The following ZNF766 variants were observed in gnomAD, a reference collection of about 807,000 sequenced individuals.
ZNF766 encodes the protein zinc finger protein 766.
Under a neutral mutation model 13.2 loss-of-function variants are expected in ZNF766, and 13 were observed. That is an observed-to-expected ratio of 0.98 (90% confidence interval 0.64 to 1.56). The LOEUF (loss-of-function observed/expected upper bound fraction) is 1.56, where lower values mean the gene tolerates loss of function less well. ZNF766 is among the 40% of genes most tolerant of loss of function. The probability of loss-of-function intolerance (pLI) is 0.00; values close to 1 mark genes in which losing one functional copy is unlikely to be tolerated. For synonymous variants in ZNF766, 178 were observed against 187.6 expected (o/e 0.95, Z 0.42); for missense variants, 521 against 552.2 (o/e 0.94, Z 0.57).
At chr19:52,288,006 A>C (rs1374800399) in intron 3 of ZNF766, 1 of 423,420 alleles carries the variant, frequency 2.4e-6, no homozygotes, top group East Asian at 7.6e-5. Context: ...CTGCTATCTT[A>C]GTGTTCATTT....
intron 1 of ZNF766, chr19:52,281,528 A>G (rs1157049792): frequency 2.4e-5 from 7 of 285,748 alleles, no homozygotes; most frequent in African/African-American, 7.0e-5. Flanking sequence ...ATAAAAAAAA[A>G]TGTGTTCTAC....
rs984101828 is a variant in ZNF766, at chr19:52,279,789, C to CTTTTTTTTT, written c.19-2306_19-2298dup. On this transcript the variant is annotated intron_variant, in intron 1 of 3. Coordinates refer to ENST00000439461, the MANE Select transcript of ZNF766 (RefSeq NM_001010851.3). ...TTTTTTTTTTCATGATTTACCTTTT[C>CTTTTTTTTT]TTTTTTTTTTTTTTTTTTTTTTTTG... Among the ~76,000 whole-genome samples the CTTTTTTTTT allele has an allele frequency of 6.2e-4, 40 of 64,870 alleles. 1 individual carries two copies. The highest frequency in any genetic ancestry group is 1.3e-3 in the African/African-American group (19 of 14,448). The allele number at this position is 64,870 out of a possible 152,430, so 42.6% of individuals were successfully genotyped here.
intron 3 of ZNF766, among the ~76,000 whole-genome samples, chr19:52,284,430 T>G (rs540034098): frequency 6.6e-6 from 1 of 152,314 alleles, no homozygotes; most frequent in African/African-American, 2.4e-5. Context: ...TTTCAAGCCC[T>G]CTTTGCCTGT....
At chr19:52,288,220 C>T (rs573102190) in intron 3 of ZNF766, 147 of 242,986 alleles carry the variant, frequency 6.0e-4, no homozygotes, top group Non-Finnish European at 1.1e-3. Context: ...GGGGCTTCAC[C>T]TTGTTGCCCA....
intron 1 of ZNF766, among the ~76,000 whole-genome samples, chr19:52,278,497 G>A (rs1981326521): frequency 2.0e-5 from 3 of 152,006 alleles, no homozygotes; most frequent in Non-Finnish European, 2.9e-5. Flanking sequence ...TCTGCCTCCC[G>A]GGTTCAAGCA....
intron 1 of ZNF766, among the ~76,000 whole-genome samples, chr19:52,278,651 T>G (rs1981335115): frequency 6.6e-6 from 1 of 151,890 alleles, no homozygotes; most frequent in Non-Finnish European, 1.5e-5. Flanking sequence ...GTGATCCAAC[T>G]GCCTCAGCCT....
intron 3 of ZNF766, among the ~76,000 whole-genome samples, chr19:52,286,187 T>TCCCG (rs1217551547): frequency 7.9e-6 from 1 of 126,914 alleles, no homozygotes; most frequent in African/African-American, 3.2e-5. Flanking sequence ...AAGTGGGCTT[T>TCCCG]TCCCCCCTAA....
chr19:52,278,013 T>C (rs1192384476), intron 1 of ZNF766, among the ~76,000 whole-genome samples: 1 of 149,694 alleles, frequency 6.7e-6, no homozygotes, highest in African/African-American at 2.5e-5. Context: ...TGCTCTGTCG[T>C]CCAGGCTGGC....
chr19:52,277,996 A>G (rs1358614107), intron 1 of ZNF766, among the ~76,000 whole-genome samples: 1 of 148,150 alleles, frequency 6.7e-6, no homozygotes, highest in Non-Finnish European at 1.5e-5. Context: ...TTTGGAGACA[A>G]GAGTCTTGCT....
At chr19:52,279,795 T>C (rs1331709326) in intron 1 of ZNF766, among the ~76,000 whole-genome samples, 5 of 135,554 alleles carry the variant, frequency 3.7e-5, no homozygotes, top group Admixed American at 7.3e-5. Flanking sequence ...TTTTCTTTTT[T>C]TTTTTTTTTT....
intron 3 of ZNF766, chr19:52,288,206 A>G: frequency 4.0e-6 from 1 of 253,142 alleles, no homozygotes; most frequent in Non-Finnish European, 7.8e-6. Context: ...ATTTTAGTAG[A>G]GACGGGGCTT....
intron 3 of ZNF766, among the ~76,000 whole-genome samples, chr19:52,286,855 TAA>T (rs1432497818): frequency 6.6e-6 from 1 of 152,138 alleles, no homozygotes; most frequent in African/African-American, 2.4e-5. Flanking sequence ...TGTTTTGTTT[TAA>T]GATGGAGTCT....
At chr19:52,272,511 G>A (rs1055888347) in intron 1 of ZNF766, among the ~76,000 whole-genome samples, 9 of 152,110 alleles carry the variant, frequency 5.9e-5, no homozygotes, top group African/African-American at 2.2e-4. Context: ...CTGTCACCCA[G>A]ACTGGAGTGC....
At chr19:52,282,636 CA>C (rs928179828) in intron 2 of ZNF766, 14 of 153,028 alleles carry the variant, frequency 9.1e-5, no homozygotes, top group Non-Finnish European at 1.6e-4. Context: ...GACTCTGTTT[CA>C]AAAAAAAAGA....
At chr19:52,274,066 A>G (rs1981086956) in intron 1 of ZNF766, among the ~76,000 whole-genome samples, 1 of 152,246 alleles carries the variant, frequency 6.6e-6, no homozygotes, top group African/African-American at 2.4e-5. Context: ...TGAAGAATTC[A>G]CAAGTTTTCA....
chr19:52,286,643 A>T (rs1043066697), intron 3 of ZNF766, among the ~76,000 whole-genome samples: 22 of 151,920 alleles, frequency 1.4e-4, no homozygotes, highest in Non-Finnish European at 2.9e-4. Flanking sequence ...TATTGCATGG[A>T]TTTCTTTTTC....
rs764447888 is a variant in ZNF766, at chr19:52,290,044, T to C, written c.275-22T>C. 1.4e-5 allele frequency: 22 copies of C among 1,569,346 alleles called. No individual in the cohort carries two copies. The South Asian group carries it at 2.4e-4, about 17-fold the overall frequency. ...ATGCCAGAACCATGGGTTCAAATTA[T>C]ACTCTTTACTTGCTTTCCTAGGGAG... is the stretch of plus-strand genomic sequence containing the variant. On this transcript the variant is annotated intron_variant, in intron 3 of 3. Coordinates refer to ENST00000439461, the MANE Select transcript of ZNF766 (RefSeq NM_001010851.3).
intron 1 of ZNF766, among the ~76,000 whole-genome samples, chr19:52,273,143 G>A (rs1981047313): frequency 6.6e-6 from 1 of 151,982 alleles, no homozygotes; most frequent in Non-Finnish European, 1.5e-5. Flanking sequence ...CAAGTAGCTG[G>A]GACTACAGGC....
At chr19:52,287,901 C>A in intron 3 of ZNF766, 1 of 345,480 alleles carries the variant, frequency 2.9e-6, no homozygotes, top group Non-Finnish European at 5.5e-6. Context: ...AAGGCTTTGT[C>A]AAAAGTCTTA....
Sources: allele counts gnomAD v4.1 joint callset (sites outside exome capture counted in the v4.1 genomes callset), GRCh38; gene constraint gnomAD v4.1.1; transcripts MANE v1.5; gene names NCBI Gene and HGNC (gene_info 2026-07-23, HGNC 2026-07-21).